Variants in ERC2 observed in about 807,000 individuals in gnomAD.
ERC2 encodes the protein ELKS/RAB6-interacting/CAST family member 2.
Under a neutral mutation model 114.8 loss-of-function variants are expected in ERC2, and 42 were observed. The observed-to-expected ratio is 0.37, with a 90% CI of 0.29 to 0.47. The LOEUF (loss-of-function observed/expected upper bound fraction) is 0.47. Among genes scored for constraint, ERC2 ranks in the 20% least tolerant of loss-of-function variants. ERC2 has a pLI of 0.99. For missense variants in ERC2, 939 were observed against 1,150.7 expected (o/e 0.82, Z 2.66); for synonymous variants, 454 against 425.5 (o/e 1.07, Z -0.82).
intron 7 of ERC2, among the ~76,000 whole-genome samples, chr3:56,054,647 G>T (rs1249642144): frequency 2.6e-5 from 4 of 152,108 alleles, no homozygotes; most frequent in African/African-American, 9.7e-5. Context: ...TTATCGATGA[G>T]CAAACTGCGG....
chr3:56,392,998 C>T (rs1365438185), intron 2 of ERC2, among the ~76,000 whole-genome samples: 1 of 152,206 alleles, frequency 6.6e-6, no homozygotes, highest in Admixed American at 6.5e-5. Context: ...CACTCAACAC[C>T]TCCTCCCTAG....
intron 1 of ERC2, among the ~76,000 whole-genome samples, chr3:56,445,120 G>A (rs1344291222): frequency 6.6e-6 from 1 of 152,182 alleles, no homozygotes; most frequent in East Asian, 1.9e-4. Flanking sequence ...GACAATGTCA[G>A]GCTCACCTTT....
At chr3:55,965,291 A>G (rs1367990509) in intron 12 of ERC2, among the ~76,000 whole-genome samples, 1 of 152,238 alleles carries the variant, frequency 6.6e-6, no homozygotes, top group Non-Finnish European at 1.5e-5. Context: ...CCAGTAGACT[A>G]GCCATGAGCC....
At chr3:55,907,310 G>A (rs1251801193) in intron 13 of ERC2, among the ~76,000 whole-genome samples, 1 of 152,212 alleles carries the variant, frequency 6.6e-6, no homozygotes, top group East Asian at 1.9e-4. Context: ...GCTCCTGTAT[G>A]TCTTTGGCCA....
Position 55,749,968 on chromosome 3 carries a change from C to T in ERC2, c.2565-15050G>A, listed in dbSNP as rs1390788762. ...GATTCAAGATCCCATTGAAGAGGGGCATAATGAAAAGATATCTTTAAGGAT... is the reference window on the plus strand; with the variant it reads ...GATTCAAGATCCCATTGAAGAGGGGTATAATGAAAAGATATCTTTAAGGAT... On this transcript the variant is annotated intron_variant, in intron 14 of 17. Transcript: ENST00000288221. Among the ~76,000 whole-genome samples the T allele has an allele frequency of 4.6e-5, 7 of 152,260 alleles. No homozygotes were observed. The South Asian group carries it at 6.2e-4, about 14-fold the overall frequency.
chr3:55,742,024 G>C (rs543307033), intron 14 of ERC2, among the ~76,000 whole-genome samples: 1 of 151,182 alleles, frequency 6.6e-6, no homozygotes, highest in Non-Finnish European at 1.5e-5. Context: ...ACCCTAAACT[G>C]TCATTCAGTG....
intron 13 of ERC2, among the ~76,000 whole-genome samples, chr3:55,903,723 G>A (rs2064270734): frequency 1.3e-5 from 2 of 152,232 alleles, no homozygotes; most frequent in Admixed American, 1.3e-4. Flanking sequence ...CAATTAGGCT[G>A]TGTAATTTTG....
chr3:56,458,237 A>AAT (rs1191203967), intron 1 of ERC2, among the ~76,000 whole-genome samples: 1 of 152,146 alleles, frequency 6.6e-6, no homozygotes, highest in East Asian at 1.9e-4. Flanking sequence ...CTGTTGTAAA[A>AAT]ATATATATAT....
At chr3:55,667,741 A>G (rs2148725479) in intron 17 of ERC2, among the ~76,000 whole-genome samples, 1 of 152,350 alleles carries the variant, frequency 6.6e-6, no homozygotes, top group South Asian at 2.1e-4. Flanking sequence ...GTGTGCTATT[A>G]TTAGTTACAT....
intron 2 of ERC2, among the ~76,000 whole-genome samples, chr3:56,343,519 G>A (rs1396510282): frequency 2.0e-5 from 3 of 152,130 alleles, no homozygotes; most frequent in Non-Finnish European, 4.4e-5. Context: ...TCAGAAGGCT[G>A]AAGCAGGAGG....
At chr3:56,313,001 CATATATATATATATATATATATATAT>C (rs3055903) in intron 2 of ERC2, among the ~76,000 whole-genome samples, 17 of 43,884 alleles carry the variant, frequency 3.9e-4, no homozygotes, top group African/African-American at 1.1e-3. Context: ...TATGTATATT[CATATATATATATATATATATATATAT>C]ATATATATAT....
intron 14 of ERC2, among the ~76,000 whole-genome samples, chr3:55,874,377 T>G (rs762426966): frequency 1.3e-5 from 2 of 152,132 alleles, no homozygotes; most frequent in Non-Finnish European, 2.9e-5. Context: ...CCCCACATCT[T>G]TCTAAGGTAG....
chr3:56,463,827 A>T (rs7628279), intron 1 of ERC2, among the ~76,000 whole-genome samples: 22,664 of 152,176 alleles, frequency 0.15, 2,231 homozygotes, highest in Non-Finnish European at 0.21. Flanking sequence ...TGCATCCAAG[A>T]AGTCCTTCCT....
intron 13 of ERC2, among the ~76,000 whole-genome samples, chr3:55,949,767 T>G (rs1294562988): frequency 2.0e-5 from 3 of 152,204 alleles, no homozygotes; most frequent in African/African-American, 7.2e-5. Flanking sequence ...CACACTGGAA[T>G]AAATAAAGAA....
chr3:56,134,683 A>C (rs1007093480), intron 6 of ERC2, among the ~76,000 whole-genome samples: 6 of 152,112 alleles, frequency 3.9e-5, no homozygotes, highest in African/African-American at 1.4e-4. Flanking sequence ...GCCTGCATAA[A>C]CACAAAACCC....
At chr3:56,381,246 G>GC (rs2059739445) in intron 2 of ERC2, among the ~76,000 whole-genome samples, 1 of 152,012 alleles carries the variant, frequency 6.6e-6, no homozygotes, top group Non-Finnish European at 1.5e-5. Context: ...TTTGTTTAAT[G>GC]CCTTTAAGCC....
intron 2 of ERC2, among the ~76,000 whole-genome samples, chr3:56,413,417 C>G (rs540957629): frequency 6.6e-6 from 1 of 152,180 alleles, no homozygotes; most frequent in Admixed American, 6.5e-5. Flanking sequence ...TTGGGGTCAG[C>G]GCACAGCAGG....
At chr3:55,691,088 C>T (rs2062616108) in intron 16 of ERC2, among the ~76,000 whole-genome samples, 2 of 152,182 alleles carry the variant, frequency 1.3e-5, no homozygotes, top group African/African-American at 4.8e-5. Flanking sequence ...ACAGCTTCTG[C>T]TCTTAAAAAC....
intron 3 of ERC2, among the ~76,000 whole-genome samples, chr3:56,244,459 G>C (rs2051539601): frequency 6.6e-6 from 1 of 151,978 alleles, no homozygotes; most frequent in African/African-American, 2.4e-5. Flanking sequence ...CCAGAAGAAG[G>C]CATTGACATC....
Sources: gnomAD v4.1 joint callset for allele counts (sites outside exome capture counted in the v4.1 genomes callset) on GRCh38, gnomAD v4.1.1 for gene constraint, MANE v1.5 for transcripts, NCBI Gene and HGNC (gene_info 2026-07-23, HGNC 2026-07-21) for gene names.